Variants in CYP3A4 observed in about 807,000 individuals in gnomAD.
The protein encoded by CYP3A4 is cytochrome P450 family 3 subfamily A member 4, also known as cytochrome P450 3A4.
CYP3A4 carries 41 observed loss-of-function variants against 54.9 expected under a neutral mutation model. The ratio of observed to expected loss-of-function variants is 0.75; its 90% confidence interval spans 0.58 to 0.97. The LOEUF is 0.97. CYP3A4 is among the 50% of genes least tolerant of loss of function. The pLI is 0.00. For synonymous variants in CYP3A4, 179 were observed against 205.2 expected, an observed-to-expected ratio of 0.87 and a Z score of 1.09; for missense variants, 510 against 597.3, an observed-to-expected ratio of 0.85 and a Z score of 1.52.
At chr7:99,767,686 A>G (rs1815509783) in intron 7 of CYP3A4, among the ~76,000 whole-genome samples, 1 of 152,218 alleles carries the variant, frequency 6.6e-6, no homozygotes, top group Non-Finnish European at 1.5e-5. Flanking sequence ...TAAAGATAAA[A>G]TCAATAAGGG....
rs756109868 is a variant in CYP3A4, at chr7:99,778,051, A to AT, written c.194dup (p.His65GlnfsTer2). ...ACCCCCACACTTTTCCATACTTTTT[A>AT]TGACATTCCATGTCAAACATACAAA... On this transcript the variant is annotated frameshift_variant, in exon 3 of 13. Transcript: ENST00000651514. LOFTEE classifies it high-confidence loss of function. 2 of 1,612,864 alleles carry AT rather than the reference A, an allele frequency of 1.2e-6. No homozygotes were observed. Among genetic ancestry groups the AT allele is most frequent in the South Asian group, 2.2e-5 (2 of 90,870 alleles).
intron 3 of CYP3A4, among the ~76,000 whole-genome samples, chr7:99,775,153 C>A (rs1284061879): frequency 6.6e-6 from 1 of 152,072 alleles, no homozygotes; most frequent in African/African-American, 2.4e-5. Context: ...TTCTCCTCTT[C>A]AAGGAGAACT....
intron 9 of CYP3A4, 87 bp downstream of exon 9, chr7:99,766,290 T>C (rs1418908189): frequency 1.3e-5 from 20 of 1,494,014 alleles, no homozygotes; most frequent in Non-Finnish European, 1.8e-5. Flanking sequence ...GAAATTCTCA[T>C]CATCCTGGAA....
intron 4 of CYP3A4, 85 bp downstream of exon 4, chr7:99,772,505 T>C (rs1815659993): frequency 6.4e-7 from 1 of 1,559,782 alleles, no homozygotes; most frequent in African/African-American, 1.4e-5. Context: ...TGGACATTTT[T>C]TAGGCAACTG....
chr7:99,760,970 T>C lies in CYP3A4; in HGVS notation c.1265A>G (p.Lys422Arg). 1 of 1,613,232 alleles carries C rather than the reference T, an allele frequency of 6.2e-7. No homozygotes were observed. The highest frequency in any genetic ancestry group is 8.5e-7 in the Non-Finnish European group (1 of 1,179,674). ...GTAAGGATCTATGTTGTCCTTGTTC[T>C]TCTTGCTGAATCTGGTTCCACGTTG... Reference protein sequence around the residue: ...EKFLPERFSKKNKDNIDPYIY... With the variant: ...EKFLPERFSKRNKDNIDPYIY... The change falls in exon 12 of 13, where the codon AAG (lysine) becomes AGG (arginine). Residue 422 changes from lysine (K) to arginine (R), a missense_variant. Lys to Arg is a conservative substitution (Grantham distance 26). Around this residue, in one of 2 missense-constraint regions of CYP3A4, gnomAD observed 238 missense variants for 322.5 expected, o/e 0.74. Transcript: ENST00000651514.
Position 99,772,760 on chromosome 7 carries a change from C to A in CYP3A4, c.219-71G>T, listed in dbSNP as rs555432678. On this transcript the variant is annotated intron_variant, in intron 3 of 12. Transcript: ENST00000651514. The stretch of plus-strand genomic sequence containing the variant: ...TACAGCTGGAGCCCAACCCAGGAAG[C>A]CAGACTTTGATCCTGACTTTACATA... 47 of 1,513,294 alleles carry A rather than the reference C, an allele frequency of 3.1e-5. 1 individual carries two copies. In the South Asian group the frequency reaches 4.9e-4, roughly 16 times the overall value. The allele number at this position is 1,513,294 out of a possible 1,614,324, so 93.7% of individuals were successfully genotyped here.
intron 1 of CYP3A4, among the ~76,000 whole-genome samples, chr7:99,783,785 T>A (rs1815987867): frequency 6.6e-6 from 1 of 151,994 alleles, no homozygotes; most frequent in African/African-American, 2.4e-5. Flanking sequence ...ATTTTTGTAT[T>A]TTTAGTAGAG....
Position 99,758,109 on chromosome 7 carries a change from C to T in CYP3A4, c.*24G>A. 1 of 1,595,042 alleles carries T rather than the reference C, an allele frequency of 6.3e-7. No homozygotes were observed. The highest frequency in any genetic ancestry group is 1.1e-5 in the South Asian group (1 of 90,720). On this transcript the variant is annotated 3_prime_UTR_variant, in exon 13 of 13. Coordinates refer to ENST00000651514, the MANE Select transcript of CYP3A4 (RefSeq NM_017460.6). ...TCTCAGGCACAGATTTCTTGAAGAGCAAAGCAGAAGTCCTTAGGAAAATTC... is the reference window on the plus strand; with the variant it reads ...TCTCAGGCACAGATTTCTTGAAGAGTAAAGCAGAAGTCCTTAGGAAAATTC...
At chr7:99,763,233 A>G (rs1320301722) in intron 10 of CYP3A4, among the ~76,000 whole-genome samples, 1 of 152,176 alleles carries the variant, frequency 6.6e-6, no homozygotes, top group Non-Finnish European at 1.5e-5. Flanking sequence ...TGATGTGTGG[A>G]GGAGTTATGA....
intron 1 of CYP3A4, among the ~76,000 whole-genome samples, chr7:99,783,127 TA>T (rs2151568671): frequency 6.6e-6 from 1 of 152,332 alleles, no homozygotes; most frequent in African/African-American, 2.4e-5. Context: ...GTGAAAGAAT[TA>T]AAATGAGGTT....
At chr7:99,780,990 G>A (rs1026300263) in intron 1 of CYP3A4, among the ~76,000 whole-genome samples, 3 of 152,198 alleles carry the variant, frequency 2.0e-5, no homozygotes, top group African/African-American at 7.2e-5. Context: ...AAAATCTCAT[G>A]TTGAAATGCA....
chr7:99,762,932 A>G (rs1319645169), intron 10 of CYP3A4, among the ~76,000 whole-genome samples: 2 of 152,160 alleles, frequency 1.3e-5, no homozygotes, highest in Non-Finnish European at 2.9e-5. Context: ...TCTTCATACC[A>G]CAAAGAATCC....
chr7:99,779,525 A>G (rs1815860309), intron 2 of CYP3A4, among the ~76,000 whole-genome samples: 1 of 152,146 alleles, frequency 6.6e-6, no homozygotes, highest in South Asian at 2.1e-4. Context: ...TCCCTAATAA[A>G]TTGAGTTTCA....
At chr7:99,782,159 A>G (rs1271984319) in intron 1 of CYP3A4, among the ~76,000 whole-genome samples, 1 of 152,212 alleles carries the variant, frequency 6.6e-6, no homozygotes, top group Non-Finnish European at 1.5e-5. Context: ...CTCTGCTTCT[A>G]AACTTTCTAC....
At position 99,757,794 on chromosome 7, in the gene CYP3A4, A is replaced by C. The variant is rs1232554652; in HGVS notation, c.*339T>G. On this transcript the variant is annotated 3_prime_UTR_variant, in exon 13 of 13. Coordinates refer to ENST00000651514, the MANE Select transcript of CYP3A4 (RefSeq NM_017460.6). ...AAAATAATTCTTATTTTCATTAATA[A>C]TTTGTGGAGGAAATTATTGAGAAAT... The C allele has an allele frequency of 4.6e-6, 1 of 217,366 alleles. No individual in the cohort carries two copies. The highest frequency in any genetic ancestry group is 9.2e-6 in the Non-Finnish European group (1 of 108,236). 13.5% of individuals were successfully genotyped at this position (217,366 alleles called of 1,614,324 possible).
chr7:99,778,809 A>C (rs1383486485), intron 2 of CYP3A4, among the ~76,000 whole-genome samples: 2 of 152,226 alleles, frequency 1.3e-5, no homozygotes, highest in Admixed American at 1.3e-4. Context: ...CTGTGCAAAC[A>C]AAGGTCCCAG....
At chr7:99,775,187 A>G (rs1217760974) in intron 3 of CYP3A4, among the ~76,000 whole-genome samples, 2 of 152,182 alleles carry the variant, frequency 1.3e-5, no homozygotes, top group East Asian at 1.9e-4. Context: ...CAATGAAATA[A>G]AAGAGGACAC....
intron 3 of CYP3A4, among the ~76,000 whole-genome samples, chr7:99,774,430 C>T (rs1263747665): frequency 1.3e-5 from 2 of 152,052 alleles, no homozygotes; most frequent in African/African-American, 2.4e-5. Flanking sequence ...AATATCGATG[C>T]GAAAATCCTC....
At chr7:99,761,732 A>G (rs1315583453) in intron 11 of CYP3A4, among the ~76,000 whole-genome samples, 1 of 152,206 alleles carries the variant, frequency 6.6e-6, no homozygotes, top group Non-Finnish European at 1.5e-5. Flanking sequence ...TTTGGGGGAC[A>G]TAATAATAGC....
Sources: gnomAD v4.1 joint callset for allele counts (sites outside exome capture counted in the v4.1 genomes callset) on GRCh38, gnomAD v4.1.1 for gene constraint, gnomAD v4.1.1 regional missense constraint, MANE v1.5 for transcripts, NCBI Gene and HGNC (gene_info 2026-07-23, HGNC 2026-07-21) for gene names.